STARD13: variants seen among roughly 807,000 people sequenced by gnomAD.
The protein encoded by STARD13 is stAR-related lipid transfer protein 13.
A neutral mutation model predicts 106.4 loss-of-function variants in STARD13; 62 were observed. That is an observed-to-expected ratio of 0.58 (90% confidence interval 0.48 to 0.72). The LOEUF (loss-of-function observed/expected upper bound fraction) is 0.72. Among genes scored for constraint, STARD13 ranks in the 30% least tolerant of loss-of-function variants. STARD13 has a pLI of 0.00. For synonymous variants in STARD13, 565 were observed against 553.0 expected (o/e 1.02, Z -0.31); for missense variants, 1,387 against 1,424.0 (o/e 0.97, Z 0.42).
At chr13:33,216,974 T>C (rs1888081991) in intron 1 of STARD13, among the ~76,000 whole-genome samples, 1 of 152,184 alleles carries the variant, frequency 6.6e-6, no homozygotes, top group South Asian at 2.1e-4. Context: ...TTGGGTTAAA[T>C]GGAGGTTGCC....
chr13:33,185,772 C>T, intron 1 of STARD13: 1 of 1,088,106 alleles, frequency 9.2e-7, no homozygotes. Flanking sequence ...TCCGCCATGT[C>T]CTTCCAGACC....
chr13:33,106,901 A>G lies in STARD13; in HGVS notation c.3081T>C (p.Cys1027=), dbSNP rs1444724632. The G allele has an allele frequency of 6.2e-7, 1 of 1,614,062 alleles. No individual in the cohort carries two copies. The highest frequency in any genetic ancestry group is 1.7e-5 in the Admixed American group (1 of 60,016). The change falls in exon 13 of 14, where the codon TGT becomes TGC. Residue 1027 remains cysteine, a synonymous_variant. Coordinates refer to ENST00000336934, the MANE Select transcript of STARD13 (RefSeq NM_178006.4). ...GCTCCACGGAGAGGGACACCAGGGT[A>G]CACATTCCTTTGGGCAAATCAGTTT... ...TWKTDLPKGM[C]TLVSLSVEHE... is the part of the protein sequence containing the mutation.
rs760965092 is a variant in STARD13, at chr13:33,157,686, G to A, written c.323+7651C>T. ...CTCTGCCTAAAAACAAACAAACAAA[G>A]AAAGAAATTCAGAGATCATCTTGAG... On this transcript the variant is annotated intron_variant, in intron 3 of 13. Transcript: ENST00000336934. Among the ~76,000 whole-genome samples the A allele has an allele frequency of 9.2e-5, 14 of 152,114 alleles. 1 individual carries two copies. The highest frequency in any genetic ancestry group is 2.7e-4 in the African/African-American group (11 of 41,478).
At chr13:33,213,782 C>A (rs186364664) in intron 1 of STARD13, among the ~76,000 whole-genome samples, 93 of 152,328 alleles carry the variant, frequency 6.1e-4, no homozygotes, top group African/African-American at 2.2e-3. Flanking sequence ...GTCTACTAAC[C>A]TTTTACCTGT....
the STARD13 span, among the ~76,000 whole-genome samples, chr13:33,670,700 C>T: frequency 6.6e-6 from 1 of 152,182 alleles, no homozygotes; most frequent in Admixed American, 6.5e-5. Context: ...CTTATCAGGA[C>T]AGGACCAAGA....
At chr13:33,185,099 T>A (rs1410267612) in intron 1 of STARD13, among the ~76,000 whole-genome samples, 1 of 152,168 alleles carries the variant, frequency 6.6e-6, no homozygotes. Flanking sequence ...AGAGAGATGA[T>A]CTATTTATTT....
chr13:33,458,541 T>C, the STARD13 span, among the ~76,000 whole-genome samples: 1 of 152,152 alleles, frequency 6.6e-6, no homozygotes, highest in Non-Finnish European at 1.5e-5. Context: ...ACTAGGTGCT[T>C]CTTCTTATCT....
At chr13:33,583,780 C>G in the STARD13 span, among the ~76,000 whole-genome samples, 1 of 152,122 alleles carries the variant, frequency 6.6e-6, no homozygotes. Flanking sequence ...ATCCGCAGTC[C>G]ATGACCAATA....
the STARD13 span, among the ~76,000 whole-genome samples, chr13:33,479,846 T>A: frequency 6.6e-6 from 1 of 152,182 alleles, no homozygotes; most frequent in African/African-American, 2.4e-5. Flanking sequence ...ACTCGCTATG[T>A]GAGATGCCTG....
the STARD13 span, among the ~76,000 whole-genome samples, chr13:33,664,472 G>A: frequency 6.6e-6 from 1 of 152,092 alleles, no homozygotes; most frequent in Admixed American, 6.5e-5. Context: ...ACCTTTTAAT[G>A]CATTCACAGT....
At chr13:33,167,470 A>G in intron 2 of STARD13, 81 bp downstream of exon 2, 1 of 1,432,206 alleles carries the variant, frequency 7.0e-7, no homozygotes, top group Non-Finnish European at 9.6e-7. Flanking sequence ...AAAAATCTGG[A>G]AGTCAAAACA....
At chr13:33,666,668 G>A in the STARD13 span, among the ~76,000 whole-genome samples, 3 of 152,002 alleles carry the variant, frequency 2.0e-5, no homozygotes, top group South Asian at 4.2e-4. Context: ...TCGACTCACT[G>A]CAACCTCTGC....
intron 1 of STARD13, among the ~76,000 whole-genome samples, chr13:33,207,259 G>A (rs1295428614): frequency 6.6e-6 from 1 of 152,282 alleles, no homozygotes; most frequent in South Asian, 2.1e-4. Context: ...ATAGGGCAGA[G>A]TGGGGCTGAA....
the STARD13 span, among the ~76,000 whole-genome samples, chr13:33,620,716 T>C: frequency 2.6e-5 from 4 of 150,954 alleles, no homozygotes; most frequent in South Asian, 2.1e-4. Context: ...TAAATAATAA[T>C]ACATCTAGAA....
chr13:33,320,935 C>T lies in STARD13; in HGVS notation c.124+29355G>A, dbSNP rs1368705875. Among the ~76,000 whole-genome samples the T allele has an allele frequency of 1.3e-5, 2 of 152,194 alleles. 1 individual carries two copies. ...CACAAGCTCGTTCTTTCACTATTAA[C>T]ATATCATTGAAGGTTAGCCATGAGT... On this transcript the variant is annotated intron_variant, in intron 1 of 5. Transcript: ENST00000567873.
the STARD13 span, among the ~76,000 whole-genome samples, chr13:33,516,900 C>T: frequency 7.0e-6 from 1 of 142,764 alleles, no homozygotes; most frequent in African/African-American, 2.7e-5. Context: ...ATGATTGCAA[C>T]ACTGTACTCC....
At chr13:33,469,400 A>G in the STARD13 span, among the ~76,000 whole-genome samples, 4 of 152,172 alleles carry the variant, frequency 2.6e-5, no homozygotes, top group African/African-American at 9.7e-5. Context: ...CTGCCTTTAG[A>G]TTCGCTTGAG....
At chr13:33,647,021 A>C in the STARD13 span, among the ~76,000 whole-genome samples, 1 of 152,158 alleles carries the variant, frequency 6.6e-6, no homozygotes, top group African/African-American at 2.4e-5. Flanking sequence ...TAAAATATAA[A>C]ATAAAAAATT....
intron 1 of STARD13, among the ~76,000 whole-genome samples, chr13:33,204,175 G>A (rs900384091): frequency 6.6e-5 from 10 of 152,178 alleles, no homozygotes; most frequent in Non-Finnish European, 1.0e-4. Context: ...AAACAGGTGC[G>A]GATGCTACCT....
Sources: gnomAD v4.1 joint callset for allele counts (sites outside exome capture counted in the v4.1 genomes callset) on GRCh38, gnomAD v4.1.1 for gene constraint, MANE v1.5 for transcripts, NCBI Gene and HGNC (gene_info 2026-07-23, HGNC 2026-07-21) for gene names.